FLT1: variants seen among roughly 807,000 people sequenced by gnomAD.
FLT1 encodes vascular endothelial growth factor receptor 1.
In FLT1, 49 loss-of-function variants were observed where a neutral mutation model predicts 156.3. The ratio of observed to expected loss-of-function variants is 0.31; its 90% CI spans 0.25 to 0.40. FLT1 has a LOEUF of 0.40. Among genes scored for constraint, FLT1 ranks in the 10% least tolerant of loss-of-function variants. FLT1 has a pLI of 1.00. For missense variants in FLT1, 1,322 were observed against 1,637.2 expected, an observed-to-expected ratio of 0.81 and a Z score of 3.32; for synonymous variants, 594 against 583.8, an observed-to-expected ratio of 1.02 and a Z score of -0.25.
intron 15 of FLT1, among the ~76,000 whole-genome samples, chr13:28,347,578 A>C (rs1872609724): frequency 6.6e-6 from 1 of 152,154 alleles, no homozygotes; most frequent in Non-Finnish European, 1.5e-5. Flanking sequence ...GTATAATACA[A>C]GATACAAGAC....
intron 10 of FLT1, 24 bp downstream of exon 10, chr13:28,427,135 A>G: frequency 6.2e-7 from 1 of 1,608,526 alleles, no homozygotes; most frequent in Non-Finnish European, 8.5e-7. Flanking sequence ...TTTGAAAGTT[A>G]GTAAAAAAAC....
intron 27 of FLT1, among the ~76,000 whole-genome samples, chr13:28,310,558 C>A (rs904158395): frequency 5.9e-5 from 9 of 152,154 alleles, no homozygotes; most frequent in Non-Finnish European, 8.8e-5. Flanking sequence ...GTCTGTGTAA[C>A]CGTCATCCCT....
intron 1 of FLT1, among the ~76,000 whole-genome samples, chr13:28,473,752 AGG>A (rs1398933742): frequency 4.8e-5 from 4 of 82,678 alleles, no homozygotes; most frequent in African/African-American, 1.6e-4. Context: ...GAAGGAAGGA[AGG>A]AAGGAAGGAA....
intron 14 of FLT1, among the ~76,000 whole-genome samples, chr13:28,358,372 C>T (rs1446328751): frequency 6.6e-6 from 1 of 152,174 alleles, no homozygotes; most frequent in East Asian, 1.9e-4. Context: ...GTTACTTGAT[C>T]TTTCTAAGTT....
At chr13:28,352,742 G>A (rs189839847) in intron 15 of FLT1, among the ~76,000 whole-genome samples, 7 of 152,302 alleles carry the variant, frequency 4.6e-5, no homozygotes, top group Admixed American at 3.9e-4. Flanking sequence ...CAACACCCAT[G>A]AGAGGTGTAA....
intron 13 of FLT1, chr13:28,389,565 G>A (rs2296283): frequency 0.52 from 742,640 of 1,435,328 alleles, 197,498 homozygotes; most frequent in East Asian, 0.55. Flanking sequence ...CCAGAGCTGG[G>A]GCCCGGGGGT....
chr13:28,393,949 A>AT (rs1243399065), intron 12 of FLT1, among the ~76,000 whole-genome samples: 8 of 152,174 alleles, frequency 5.3e-5, no homozygotes, highest in Non-Finnish European at 8.8e-5. Context: ...AAAGATCCAA[A>AT]TCTAGATAAG....
At chr13:28,341,361 C>T (rs1416756287) in intron 16 of FLT1, among the ~76,000 whole-genome samples, 7 of 152,204 alleles carry the variant, frequency 4.6e-5, no homozygotes, top group Admixed American at 2.0e-4. Context: ...CAGCTAAGTG[C>T]TTCAAAGCCC....
chr13:28,365,571 C>T (rs1163509589), intron 14 of FLT1, among the ~76,000 whole-genome samples: 2 of 152,194 alleles, frequency 1.3e-5, no homozygotes, highest in East Asian at 3.9e-4. Context: ...AGGCTGGTCT[C>T]GAACTCCTGA....
At chr13:28,455,516 T>C (rs769950232) in intron 3 of FLT1, among the ~76,000 whole-genome samples, 1 of 152,084 alleles carries the variant, frequency 6.6e-6, no homozygotes, top group Admixed American at 6.6e-5. Context: ...GACCTAAATG[T>C]AAAATGCGAA....
intron 10 of FLT1, among the ~76,000 whole-genome samples, chr13:28,412,311 T>TTC (rs1200819537): frequency 8.2e-5 from 3 of 36,568 alleles, no homozygotes; most frequent in Non-Finnish European, 7.2e-5. Flanking sequence ...CTCTTTCTCT[T>TTC]TCTTTCTTTC....
rs58778671 is a variant in FLT1, at chr13:28,303,009, CAAA to C, written c.*155_*157del. The C allele has an allele frequency of 1.0e-4, 56 of 556,772 alleles. No homozygotes were observed. Among genetic ancestry groups the C allele is most frequent in the Admixed American group, 1.3e-4 (4 of 30,498 alleles). The allele number at this position is 556,772 out of a possible 1,614,324, so 34.5% of individuals were successfully genotyped here. A position where few individuals can be genotyped will look rare whatever the true frequency, so the allele number is the denominator to read the frequency against. On this transcript the variant is annotated 3_prime_UTR_variant, in exon 30 of 30. Transcript: ENST00000282397. ...TATCTGGAGTTACATTCTTGTTAGTCAAAAAAAAAAAAGCACTATTAAAAAAAT... is the reference window on the plus strand; with the variant it reads ...TATCTGGAGTTACATTCTTGTTAGTCAAAAAAAAAGCACTATTAAAAAAAT...
intron 13 of FLT1, among the ~76,000 whole-genome samples, chr13:28,385,319 AGAG>A (rs1218514303): frequency 4.6e-5 from 7 of 152,052 alleles, no homozygotes; most frequent in Non-Finnish European, 1.0e-4. Flanking sequence ...CCTTTTTTTG[AGAG>A]GAGCTTTTCT....
chr13:28,444,065 C>G (rs185241998), intron 3 of FLT1, among the ~76,000 whole-genome samples: 58 of 152,272 alleles, frequency 3.8e-4, no homozygotes, highest in Non-Finnish European at 7.4e-4. Flanking sequence ...CACTAACACA[C>G]AGGAAGCAAA....
At chr13:28,387,503 A>G in intron 13 of FLT1, 2 of 1,061,234 alleles carry the variant, frequency 1.9e-6, no homozygotes, top group Non-Finnish European at 1.1e-6. Context: ...ATCAGAATTA[A>G]CAGACATTTC....
chr13:28,459,319 C>T (rs1024848936), intron 3 of FLT1, among the ~76,000 whole-genome samples: 4 of 151,554 alleles, frequency 2.6e-5, no homozygotes, highest in African/African-American at 9.7e-5. Flanking sequence ...TTGTGGCCTC[C>T]TGGTAATGCA....
intron 18 of FLT1, among the ~76,000 whole-genome samples, chr13:28,333,694 A>G (rs1231813167): frequency 2.0e-5 from 3 of 152,244 alleles, no homozygotes. Context: ...ACATCACAGT[A>G]GATCATGCCA....
chr13:28,342,946 T>TTCTCTCTCTC (rs61022115), intron 16 of FLT1, among the ~76,000 whole-genome samples: 31 of 143,094 alleles, frequency 2.2e-4, no homozygotes, highest in Non-Finnish European at 3.0e-4. Context: ...CTTTCTTTCT[T>TTCTCTCTCTC]TCTCTCTCTC....
intron 1 of FLT1, among the ~76,000 whole-genome samples, chr13:28,474,661 C>T (rs370784896): frequency 2.0e-5 from 3 of 152,044 alleles, no homozygotes; most frequent in East Asian, 1.9e-4. Context: ...CCAGGGCTTG[C>T]GGGGAGGGGA....
Sources: gnomAD v4.1 joint callset for allele counts (sites outside exome capture counted in the v4.1 genomes callset) on GRCh38, gnomAD v4.1.1 for gene constraint, MANE v1.5 for transcripts, NCBI Gene and HGNC (gene_info 2026-07-23, HGNC 2026-07-21) for gene names.